Variants in CCSER1 observed in about 807,000 individuals in gnomAD.
CCSER1 encodes coiled-coil serine rich protein 1, also known as serine-rich coiled-coil domain-containing protein 1.
A neutral mutation model predicts 82.0 loss-of-function variants in CCSER1; 41 were observed. That is an observed-to-expected ratio of 0.50 (90% confidence interval 0.39 to 0.65). The LOEUF is 0.65. Among genes scored for constraint, CCSER1 ranks in the 30% least tolerant of loss-of-function variants. CCSER1 has a pLI of 0.00. For missense variants in CCSER1, 1,119 were observed against 1,064.2 expected (o/e 1.05, Z -0.72); for synonymous variants, 414 against 383.9 (o/e 1.08, Z -0.92).
intron 7 of CCSER1, among the ~76,000 whole-genome samples, chr4:90,748,695 C>T (rs1747993667): frequency 1.4e-5 from 2 of 146,578 alleles, no homozygotes; most frequent in East Asian, 2.1e-4. Context: ...CTCTCCAGCA[C>T]CTGTTGTTTC....
intron 3 of CCSER1, among the ~76,000 whole-genome samples, chr4:90,384,455 T>G (rs1436050950): frequency 9.2e-5 from 14 of 152,090 alleles, no homozygotes; most frequent in Admixed American, 7.9e-4. Context: ...TCATTTTTTA[T>G]TTTTAAAACA....
intron 9 of CCSER1, among the ~76,000 whole-genome samples, chr4:91,066,039 T>A (rs958599461): frequency 1.3e-5 from 2 of 152,204 alleles, no homozygotes; most frequent in African/African-American, 4.8e-5. Flanking sequence ...TATACCTAAC[T>A]TGTAATATTT....
chr4:90,209,395 AG>A (rs1227292268), intron 1 of CCSER1, among the ~76,000 whole-genome samples: 2 of 152,134 alleles, frequency 1.3e-5, no homozygotes, highest in Non-Finnish European at 2.9e-5. Context: ...GCAGAATCTG[AG>A]GGCAATCAGT....
chr4:91,038,695 T>C, intron 9 of CCSER1, among the ~76,000 whole-genome samples: 1 of 152,218 alleles, frequency 6.6e-6, no homozygotes, highest in East Asian at 1.9e-4. Flanking sequence ...TCACATAAAG[T>C]AAGACAGATT....
At chr4:90,837,437 A>G (rs1761948733) in intron 8 of CCSER1, among the ~76,000 whole-genome samples, 1 of 152,108 alleles carries the variant, frequency 6.6e-6, no homozygotes, top group Non-Finnish European at 1.5e-5. Context: ...GCTTTCTGTC[A>G]TTTCCTGTGC....
intron 1 of CCSER1, among the ~76,000 whole-genome samples, chr4:90,274,870 T>TAGAATGAA (rs1443643782): frequency 6.6e-6 from 1 of 152,148 alleles, no homozygotes. Flanking sequence ...GAAATAGTTT[T>TAGAATGAA]AGAATGAAAG....
intron 10 of CCSER1, among the ~76,000 whole-genome samples, chr4:91,166,612 A>G (rs76610913): frequency 0.011 from 1,699 of 152,306 alleles, 10 homozygotes; most frequent in Non-Finnish European, 0.018. Context: ...CAGTTTTTAT[A>G]TTTCAGAATA....
intron 1 of CCSER1, among the ~76,000 whole-genome samples, chr4:90,128,082 T>C (rs976164290): frequency 1.3e-5 from 2 of 151,996 alleles, no homozygotes; most frequent in African/African-American, 4.8e-5. Flanking sequence ...CGCGTGGCCA[T>C]TTCCTCCACG....
At chr4:91,239,100 C>A (rs1231862139) in intron 10 of CCSER1, among the ~76,000 whole-genome samples, 1 of 151,304 alleles carries the variant, frequency 6.6e-6, no homozygotes, top group African/African-American at 2.4e-5. Flanking sequence ...GCTGGTATTA[C>A]AAGCGTGAGC....
At position 90,271,840 on chromosome 4, in the gene CCSER1, ATATATATATATATATATATATATT is replaced by A. The variant is rs1207282736; in HGVS notation, c.-41-36402_-41-36379del. Among the ~76,000 whole-genome samples the A allele has an allele frequency of 1.6e-3, 33 of 20,574 alleles. 2 individuals are homozygous for A. Among genetic ancestry groups the A allele is most frequent in the African/African-American group, 0.011 (26 of 2,280 alleles). 13.5% of individuals were successfully genotyped at this position (20,574 alleles called of 152,430 possible). A position where few individuals can be genotyped will look rare whatever the true frequency, so the allele number is the denominator to read the frequency against. ...GACTGGACAATTTATATATATATAT[ATATATATATATATATATATATATT>A]TTTTTTTTTTTTTTTTTTTTTTTTT... On this transcript the variant is annotated intron_variant, in intron 1 of 10. Transcript: ENST00000509176.
chr4:90,905,971 C>T (rs1172978426), intron 8 of CCSER1, among the ~76,000 whole-genome samples: 1 of 151,992 alleles, frequency 6.6e-6, no homozygotes, highest in African/African-American at 2.4e-5. Flanking sequence ...AAAGTGAGCA[C>T]AGTTTAATTT....
intron 10 of CCSER1, among the ~76,000 whole-genome samples, chr4:91,220,204 A>G (rs1046423230): frequency 6.6e-6 from 1 of 152,212 alleles, no homozygotes; most frequent in African/African-American, 2.4e-5. Flanking sequence ...TTTTATCCCC[A>G]TCACATTGCT....
At chr4:90,281,800 T>A (rs1042316199) in intron 1 of CCSER1, among the ~76,000 whole-genome samples, 1 of 152,072 alleles carries the variant, frequency 6.6e-6, no homozygotes, top group Non-Finnish European at 1.5e-5. Context: ...TGCAATTACT[T>A]TATTATCCTG....
At chr4:91,501,109 A>G (rs558514588) in intron 10 of CCSER1, among the ~76,000 whole-genome samples, 1 of 151,978 alleles carries the variant, frequency 6.6e-6, no homozygotes, top group East Asian at 1.9e-4. Context: ...CAAGCTGAAA[A>G]TATTATATTA....
At chr4:90,593,542 C>T (rs182966270) in intron 5 of CCSER1, among the ~76,000 whole-genome samples, 4 of 152,138 alleles carry the variant, frequency 2.6e-5, no homozygotes, top group African/African-American at 9.6e-5. Flanking sequence ...GAGGATATTT[C>T]CTGTCATAAC....
intron 10 of CCSER1, among the ~76,000 whole-genome samples, chr4:91,231,794 C>T (rs1270124293): frequency 6.6e-6 from 1 of 151,626 alleles, no homozygotes; most frequent in African/African-American, 2.4e-5. Flanking sequence ...TCATACCAAG[C>T]AGATACAAAC....
intron 10 of CCSER1, among the ~76,000 whole-genome samples, chr4:91,362,377 A>C (rs4128703): frequency 6.6e-6 from 1 of 151,560 alleles, no homozygotes; most frequent in East Asian, 1.9e-4. Context: ...TTACCCTTCT[A>C]TTCCTTGCTC....
chr4:90,949,703 A>G (rs1581181065), intron 9 of CCSER1, among the ~76,000 whole-genome samples: 3 of 152,284 alleles, frequency 2.0e-5, no homozygotes, highest in South Asian at 4.1e-4. Context: ...TTGGGCATAC[A>G]CAGTAGGCAA....
intron 4 of CCSER1, among the ~76,000 whole-genome samples, chr4:90,466,336 G>A (rs138965322): frequency 2.3e-4 from 35 of 152,322 alleles, no homozygotes; most frequent in African/African-American, 7.0e-4. Context: ...TGAGATGGAT[G>A]GGCCATAGGC....
Sources: allele counts gnomAD v4.1 joint callset (sites outside exome capture counted in the v4.1 genomes callset), GRCh38; gene constraint gnomAD v4.1.1; transcripts MANE v1.5; gene names NCBI Gene and HGNC (gene_info 2026-07-23, HGNC 2026-07-21).